The following ADAM19 variants were observed in gnomAD, a reference collection of about 807,000 sequenced individuals.
The protein encoded by ADAM19 is disintegrin and metalloproteinase domain-containing protein 19.
In ADAM19, 65 loss-of-function variants were observed where a neutral mutation model predicts 114.7. That is an observed-to-expected ratio of 0.57 (90% CI 0.46 to 0.70). ADAM19 has a LOEUF of 0.70. Ranked by LOEUF, ADAM19 falls within the 30% of genes least tolerant of loss-of-function variation. The probability of loss-of-function intolerance (pLI) is 0.00; values close to 1 mark genes in which losing one functional copy is unlikely to be tolerated. For synonymous variants in ADAM19, 466 were observed against 460.5 expected, an observed-to-expected ratio of 1.01 and a Z score of -0.15; for missense variants, 1,063 against 1,204.7, an observed-to-expected ratio of 0.88 and a Z score of 1.74.
chr5:157,522,505 G>T (rs1051861312), intron 5 of ADAM19, among the ~76,000 whole-genome samples: 72 of 152,178 alleles, frequency 4.7e-4, no homozygotes, highest in African/African-American at 1.7e-3. Flanking sequence ...TCCTGTAGAG[G>T]CTGGGCGCTG....
Position 157,542,924 on chromosome 5 carries a change from A to G in ADAM19, c.252-4933T>C, listed in dbSNP as rs1308975531. 7.9e-5 allele frequency among the ~76,000 whole-genome samples: 12 copies of G among 152,188 alleles called. No individual in the cohort carries two copies. In the East Asian group the frequency reaches 2.3e-3, roughly 29 times the overall value. Reference sequence around the variant, plus strand: ...GGCTTTGAAAGATGTACTATTTACAATTAATTAGGACAGCCCTTGTTCCAC... The same window carrying G: ...GGCTTTGAAAGATGTACTATTTACAGTTAATTAGGACAGCCCTTGTTCCAC... On this transcript the variant is annotated intron_variant, in intron 3 of 22. Coordinates refer to ENST00000257527, the MANE Select transcript of ADAM19 (RefSeq NM_033274.5).
intron 5 of ADAM19, among the ~76,000 whole-genome samples, chr5:157,527,431 C>G (rs188436117): frequency 6.6e-6 from 1 of 152,032 alleles, no homozygotes; most frequent in Non-Finnish European, 1.5e-5. Flanking sequence ...AGGATGGTCT[C>G]GATCTCCTGA....
intron 6 of ADAM19, among the ~76,000 whole-genome samples, chr5:157,519,288 C>G (rs11466759): frequency 0.12 from 17,905 of 152,206 alleles, 1,074 homozygotes; most frequent in South Asian, 0.16. Context: ...AGTGTCTACT[C>G]CAATAGGGAA....
intron 5 of ADAM19, among the ~76,000 whole-genome samples, chr5:157,521,574 G>A (rs1032040004): frequency 6.6e-6 from 1 of 152,110 alleles, no homozygotes; most frequent in African/African-American, 2.4e-5. Context: ...AGCCTTTCCC[G>A]GATCCCATCC....
At chr5:157,507,425 T>C (rs747299051) in intron 9 of ADAM19, among the ~76,000 whole-genome samples, 31 of 152,324 alleles carry the variant, frequency 2.0e-4, no homozygotes, top group Non-Finnish European at 4.6e-4. Context: ...TGGAAGGAAA[T>C]GGGCAGGGTT....
chr5:157,490,722 TCTCTA>T (rs1447335653), intron 18 of ADAM19, among the ~76,000 whole-genome samples: 1 of 151,940 alleles, frequency 6.6e-6, no homozygotes, highest in Non-Finnish European at 1.5e-5. Flanking sequence ...TGAAACCTCG[TCTCTA>T]CTAAAAACAC....
At position 157,534,157 on chromosome 5, in the gene ADAM19, C is replaced by T. The variant is rs574459825; in HGVS notation, c.331-3274G>A. 5.9e-4 allele frequency among the ~76,000 whole-genome samples: 90 copies of T among 152,108 alleles called. 1 individual carries two copies. The highest frequency in any genetic ancestry group is 2.1e-3 in the African/African-American group (87 of 41,500). ...TACACTATCTCTTGTGATGATGACACCTACAACTTACTATTATTAACAGTA... is the reference window on the plus strand; with the variant it reads ...TACACTATCTCTTGTGATGATGACATCTACAACTTACTATTATTAACAGTA... On this transcript the variant is annotated intron_variant, in intron 4 of 22. Coordinates refer to ENST00000257527, the MANE Select transcript of ADAM19 (RefSeq NM_033274.5).
At position 157,570,877 on chromosome 5, in the gene ADAM19, A is replaced by C. The variant is rs1308646606; in HGVS notation, c.180+18T>G. 6.2e-7 allele frequency: 1 copy of C among 1,609,136 alleles called. No homozygotes were observed. Among genetic ancestry groups the C allele is most frequent in the African/African-American group, 1.3e-5 (1 of 74,786 alleles). On this transcript the variant is annotated intron_variant, in intron 2 of 22. Transcript: ENST00000257527. Reference sequence around the variant, plus strand: ...TTGTCAACTCCTGCCAGTGTAAATGAGGTCTTTTGAGTCTTACCTTTTCTC... The same window carrying C: ...TTGTCAACTCCTGCCAGTGTAAATGCGGTCTTTTGAGTCTTACCTTTTCTC...
intron 1 of ADAM19, among the ~76,000 whole-genome samples, chr5:157,572,088 G>GTT (rs367592665): frequency 0.13 from 19,697 of 149,640 alleles, 1,326 homozygotes; most frequent in Middle Eastern, 0.23. Context: ...TAGGAGTCCT[G>GTT]TTTTTTTTTT....
At chr5:157,538,390 C>A (rs192163474) in intron 3 of ADAM19, among the ~76,000 whole-genome samples, 29 of 152,314 alleles carry the variant, frequency 1.9e-4, no homozygotes, top group Non-Finnish European at 3.1e-4. Flanking sequence ...TATCAGCAGA[C>A]CAATTTTTCT....
chr5:157,564,649 T>C (rs192022693), intron 2 of ADAM19, among the ~76,000 whole-genome samples: 2 of 152,284 alleles, frequency 1.3e-5, no homozygotes, highest in East Asian at 1.9e-4. Flanking sequence ...CTGAAAGGCA[T>C]AGAGAAGAAA....
chr5:157,526,819 C>G (rs182482311), intron 5 of ADAM19, among the ~76,000 whole-genome samples: 47 of 152,144 alleles, frequency 3.1e-4, no homozygotes, highest in Middle Eastern at 6.8e-3. Flanking sequence ...TGGAGTTTTG[C>G]CATGTCGGCC....
At chr5:157,505,837 G>A in intron 10 of ADAM19, 29 bp from the exon 11 acceptor site, 5 of 1,608,464 alleles carry the variant, frequency 3.1e-6, no homozygotes, top group Non-Finnish European at 4.3e-6. Context: ...TGAGGTCAAG[G>A]TCAAGGGGAC....
At chr5:157,510,009 A>G (rs904621673) in intron 8 of ADAM19, among the ~76,000 whole-genome samples, 1 of 152,130 alleles carries the variant, frequency 6.6e-6, no homozygotes, top group East Asian at 1.9e-4. Context: ...GTCTGGTACA[A>G]TTTTTTTCTC....
intron 3 of ADAM19, among the ~76,000 whole-genome samples, chr5:157,553,566 G>A (rs1011078299): frequency 6.6e-6 from 1 of 152,096 alleles, no homozygotes. Flanking sequence ...GGAGTGAGAG[G>A]TACAACTTGT....
At chr5:157,498,131 C>T (rs772869685) in intron 13 of ADAM19, among the ~76,000 whole-genome samples, 5 of 152,226 alleles carry the variant, frequency 3.3e-5, no homozygotes, top group African/African-American at 4.8e-5. Flanking sequence ...AGAACAGACC[C>T]CCTCCCCTGC....
intron 3 of ADAM19, among the ~76,000 whole-genome samples, chr5:157,555,786 T>C (rs1052399539): frequency 2.0e-5 from 3 of 152,182 alleles, no homozygotes; most frequent in Non-Finnish European, 4.4e-5. Context: ...ATCGGTATTA[T>C]TGGGCCAAAA....
chr5:157,504,386 G>T (rs907175306), intron 11 of ADAM19, among the ~76,000 whole-genome samples: 4 of 152,102 alleles, frequency 2.6e-5, no homozygotes, highest in Admixed American at 2.6e-4. Flanking sequence ...TAGTAGCTGG[G>T]ACCACAGGCG....
chr5:157,504,845 C>CCGGGT (rs373233297), intron 11 of ADAM19, among the ~76,000 whole-genome samples: 6 of 150,404 alleles, frequency 4.0e-5, no homozygotes, highest in Non-Finnish European at 7.4e-5. Context: ...TCATGTCCAG[C>CCGGGT]GCGGTGGCTC....
Sources: allele counts gnomAD v4.1 joint callset (sites outside exome capture counted in the v4.1 genomes callset), GRCh38; gene constraint gnomAD v4.1.1; transcripts MANE v1.5; gene names NCBI Gene and HGNC (gene_info 2026-07-23, HGNC 2026-07-21).